The following PDE4B variants were observed in gnomAD, a reference collection of about 807,000 sequenced individuals.
PDE4B encodes phosphodiesterase 4B, also known as 3',5'-cyclic-AMP phosphodiesterase 4B.
PDE4B carries 20 observed loss-of-function variants against 82.2 expected under a neutral mutation model. The observed-to-expected ratio is 0.24, with a 90% CI of 0.17 to 0.35. The LOEUF (loss-of-function observed/expected upper bound fraction) is 0.35, where lower values mean the gene tolerates loss of function less well. Among genes scored for constraint, PDE4B ranks in the 10% least tolerant of loss-of-function variants. The pLI is 1.00. For synonymous variants in PDE4B, 320 were observed against 318.9 expected (o/e 1.00, Z -0.04); for missense variants, 655 against 907.2 (o/e 0.72, Z 3.57).
At chr1:66,345,840 T>C (rs1006483799) in intron 8 of PDE4B, among the ~76,000 whole-genome samples, 2 of 152,164 alleles carry the variant, frequency 1.3e-5, no homozygotes, top group African/African-American at 4.8e-5. Context: ...AAGGGAAAGC[T>C]TATTCCTACC....
chr1:66,116,635 C>T (rs544802500), intron 3 of PDE4B, among the ~76,000 whole-genome samples: 14 of 152,326 alleles, frequency 9.2e-5, no homozygotes, highest in African/African-American at 3.1e-4. Context: ...ACAATCACAG[C>T]TCACTGCAGC....
At chr1:66,157,034 C>T (rs931018684) in intron 3 of PDE4B, among the ~76,000 whole-genome samples, 2 of 152,162 alleles carry the variant, frequency 1.3e-5, no homozygotes, top group African/African-American at 4.8e-5. Context: ...TAGCCAACAG[C>T]CTTCTTAACT....
At chr1:66,057,307 A>AT (rs901129938) in intron 3 of PDE4B, among the ~76,000 whole-genome samples, 3 of 152,122 alleles carry the variant, frequency 2.0e-5, no homozygotes, top group Non-Finnish European at 4.4e-5. Context: ...TAGTTCTGCC[A>AT]TTTTTTCTCA....
chr1:66,371,866 A>G (rs2050795096), intron 16 of PDE4B, among the ~76,000 whole-genome samples: 1 of 152,208 alleles, frequency 6.6e-6, no homozygotes, highest in Admixed American at 6.5e-5. Context: ...CACAGAATCC[A>G]AGTAGTGGCA....
At chr1:66,362,199 G>A (rs1004495980) in intron 10 of PDE4B, among the ~76,000 whole-genome samples, 1 of 152,190 alleles carries the variant, frequency 6.6e-6, no homozygotes, top group Non-Finnish European at 1.5e-5. Context: ...AAGGTCAATA[G>A]GCAGGTCTGA....
chr1:65,894,861 G>T (rs1646891996), intron 1 of PDE4B, among the ~76,000 whole-genome samples: 1 of 152,054 alleles, frequency 6.6e-6, no homozygotes, highest in South Asian at 2.1e-4. Flanking sequence ...ACAAAAACAG[G>T]AACAAAAAAC....
intron 3 of PDE4B, among the ~76,000 whole-genome samples, chr1:66,192,704 G>T (rs779256636): frequency 6.6e-6 from 1 of 152,128 alleles, no homozygotes; most frequent in Non-Finnish European, 1.5e-5. Flanking sequence ...TCCTAAAAAA[G>T]AGTCCCTTTA....
chr1:66,301,516 G>A (rs1460561445), intron 7 of PDE4B, among the ~76,000 whole-genome samples: 1 of 151,666 alleles, frequency 6.6e-6, no homozygotes, highest in Admixed American at 6.6e-5. Context: ...CTATAAGCAG[G>A]AAAGCAGGGG....
intron 13 of PDE4B, 58 bp from the exon 14 acceptor site, chr1:66,367,638 G>T: frequency 1.4e-6 from 2 of 1,402,116 alleles, no homozygotes; most frequent in Non-Finnish European, 2.0e-6. Context: ...TTGAGATAAT[G>T]CCAACATTCA....
intron 7 of PDE4B, among the ~76,000 whole-genome samples, chr1:66,301,008 C>A (rs779462547): frequency 6.6e-6 from 1 of 152,044 alleles, no homozygotes; most frequent in Non-Finnish European, 1.5e-5. Context: ...TAGTAAAGAG[C>A]GAAAAAGAGT....
At chr1:66,031,722 A>G (rs558856784) in intron 3 of PDE4B, among the ~76,000 whole-genome samples, 30 of 152,318 alleles carry the variant, frequency 2.0e-4, no homozygotes, top group African/African-American at 6.7e-4. Context: ...ATAATTCAAG[A>G]TTATCATGGA....
At chr1:66,129,205 A>G (rs1645883971) in intron 3 of PDE4B, among the ~76,000 whole-genome samples, 1 of 152,358 alleles carries the variant, frequency 6.6e-6, no homozygotes, top group Non-Finnish European at 1.5e-5. Flanking sequence ...ATGTTTGACA[A>G]TAGAATAAAA....
rs140294162 is a variant in PDE4B, at chr1:66,162,274, G to T, written c.282-85186G>T. Among the ~76,000 whole-genome samples the T allele has an allele frequency of 4.9e-5, 7 of 143,652 alleles. No individual in the cohort carries two copies. In the East Asian group the frequency reaches 1.4e-3, roughly 30 times the overall value. The allele number at this position is 143,652 out of a possible 152,430, so 94.2% of individuals were successfully genotyped here. A position where few individuals can be genotyped will look rare whatever the true frequency, so the allele number is the denominator to read the frequency against. ...GAGGGACAAGACTTGTGATTTCATAGGCCCTTTGGTGGTAAGGTTCATGGA... is the reference window on the plus strand; with the variant it reads ...GAGGGACAAGACTTGTGATTTCATATGCCCTTTGGTGGTAAGGTTCATGGA... On this transcript the variant is annotated intron_variant, in intron 3 of 16. Transcript: ENST00000341517.
At chr1:66,339,675 G>A (rs1271307317) in intron 8 of PDE4B, among the ~76,000 whole-genome samples, 1 of 152,020 alleles carries the variant, frequency 6.6e-6, no homozygotes, top group Non-Finnish European at 1.5e-5. Context: ...CTCCACATTG[G>A]GGAAAAAATA....
intron 3 of PDE4B, among the ~76,000 whole-genome samples, chr1:66,097,356 G>T (rs1645138076): frequency 1.3e-5 from 2 of 152,004 alleles, no homozygotes; most frequent in African/African-American, 4.8e-5. Context: ...TATAACTAAT[G>T]ATGTTGAAGA....
chr1:65,811,184 A>G (rs909894344), intron 1 of PDE4B, among the ~76,000 whole-genome samples: 6 of 152,248 alleles, frequency 3.9e-5, no homozygotes, highest in South Asian at 4.1e-4. Context: ...ACACCCCATG[A>G]GGCTCATATC....
chr1:66,119,841 A>C (rs1645674032), intron 3 of PDE4B, among the ~76,000 whole-genome samples: 1 of 152,100 alleles, frequency 6.6e-6, no homozygotes, highest in South Asian at 2.1e-4. Context: ...TAAAAAAGAG[A>C]GAATTTGGAC....
intron 3 of PDE4B, among the ~76,000 whole-genome samples, chr1:66,117,513 G>A (rs1242517251): frequency 6.6e-5 from 10 of 152,108 alleles, no homozygotes; most frequent in African/African-American, 2.2e-4. Flanking sequence ...AGTGCAGTTG[G>A]AAGAGATGTG....
At chr1:65,845,420 C>A (rs1646257101) in intron 1 of PDE4B, among the ~76,000 whole-genome samples, 1 of 152,292 alleles carries the variant, frequency 6.6e-6, no homozygotes, top group East Asian at 1.9e-4. Context: ...CTTAGTCTAG[C>A]CCAGTTTAGA....
Sources: gnomAD v4.1 joint callset for allele counts (sites outside exome capture counted in the v4.1 genomes callset) on GRCh38, gnomAD v4.1.1 for gene constraint, MANE v1.5 for transcripts, NCBI Gene and HGNC (gene_info 2026-07-23, HGNC 2026-07-21) for gene names.